LRRC69: variants seen among roughly 807,000 people sequenced by gnomAD.
The protein encoded by LRRC69 is leucine rich repeat containing 69, also known as leucine-rich repeat-containing protein 69.
In LRRC69, 42 loss-of-function variants were observed where a neutral mutation model predicts 37.8. The observed-to-expected ratio is 1.11, with a 90% CI of 0.87 to 1.44. The LOEUF (loss-of-function observed/expected upper bound fraction) is 1.44, where lower values mean the gene tolerates loss of function less well. Ranked by LOEUF, LRRC69 falls within the 40% of genes most tolerant of loss-of-function variation. The pLI is 0.00. For synonymous variants in LRRC69, 141 were observed against 143.1 expected, an observed-to-expected ratio of 0.99 and a Z score of 0.11; for missense variants, 357 against 401.9, an observed-to-expected ratio of 0.89 and a Z score of 0.96.
intron 5 of LRRC69, among the ~76,000 whole-genome samples, chr8:91,185,467 T>G (rs1809393048): frequency 6.6e-6 from 1 of 152,158 alleles, no homozygotes; most frequent in Admixed American, 6.5e-5. Flanking sequence ...GGATCTTCTC[T>G]TGGGAGAAGT....
intron 5 of LRRC69, among the ~76,000 whole-genome samples, chr8:91,147,657 T>C (rs1031001921): frequency 6.6e-6 from 1 of 151,818 alleles, no homozygotes; most frequent in Non-Finnish European, 1.5e-5. Flanking sequence ...TAATGACACA[T>C]TTTAAAAAAT....
chr8:91,195,697 G>T (rs1809585101), intron 6 of LRRC69, among the ~76,000 whole-genome samples: 1 of 152,120 alleles, frequency 6.6e-6, no homozygotes, highest in South Asian at 2.1e-4. Context: ...CATTTGCTTG[G>T]AAGATCTTCC....
intron 6 of LRRC69, among the ~76,000 whole-genome samples, chr8:91,198,977 G>A (rs1809668024): frequency 6.6e-6 from 1 of 152,192 alleles, no homozygotes; most frequent in East Asian, 1.9e-4. Flanking sequence ...TGTAAGAGCT[G>A]TCAGATATAC....
intron 7 of LRRC69, among the ~76,000 whole-genome samples, chr8:91,203,217 G>T (rs562743659): frequency 1.2e-4 from 18 of 152,006 alleles, no homozygotes; most frequent in Non-Finnish European, 2.4e-4. Context: ...GAGTGTGTGT[G>T]TGGGTGGGTG....
intron 5 of LRRC69, among the ~76,000 whole-genome samples, chr8:91,160,116 T>A (rs80223721): frequency 0.019 from 2,933 of 151,284 alleles, 80 homozygotes; most frequent in African/African-American, 0.067. Context: ...TTTGGATAAA[T>A]TTATTTTTAG....
rs180940957 is a variant in LRRC69 at position 91,182,281 on chromosome 8, C to T, written c.652-7241C>T. 4.8e-3 allele frequency among the ~76,000 whole-genome samples: 726 copies of T among 152,102 alleles called. 7 individuals are homozygous for T. Among genetic ancestry groups the T allele is most frequent in the South Asian group, 0.022 (106 of 4,818 alleles). The stretch of plus-strand genomic sequence containing the variant: ...ACAGTTTTGCATACTGCTTACTTTA[C>T]TCAGTATCATATCAGGACAATTTTG... On this transcript the variant is annotated intron_variant, in intron 5 of 7. Transcript: ENST00000448384.
intron 7 of LRRC69, chr8:91,206,813 C>T: frequency 1.6e-6 from 2 of 1,289,014 alleles, no homozygotes; most frequent in Non-Finnish European, 2.0e-6. Context: ...AACCCCATGA[C>T]ACCAGTAAGA....
intron 6 of LRRC69, among the ~76,000 whole-genome samples, chr8:91,195,555 T>C (rs573808596): frequency 3.3e-5 from 5 of 150,194 alleles, no homozygotes; most frequent in South Asian, 2.1e-4. Context: ...ATATTTAGGA[T>C]AGTTAGCTCT....
intron 6 of LRRC69, among the ~76,000 whole-genome samples, chr8:91,191,015 G>C (rs922720498): frequency 6.6e-6 from 1 of 150,512 alleles, no homozygotes; most frequent in Non-Finnish European, 1.5e-5. Context: ...CTCCAGCCTG[G>C]GTGACAGAGC....
rs569966275 is a variant in LRRC69 at position 91,146,744 on chromosome 8, A to T, written c.651+11005A>T. 1.3e-4 allele frequency among the ~76,000 whole-genome samples: 20 copies of T among 151,990 alleles called. No homozygotes were observed. In the South Asian group the frequency reaches 3.5e-3, roughly 27 times the overall value. On this transcript the variant is annotated intron_variant, in intron 5 of 7. Coordinates refer to ENST00000448384, the Ensembl canonical transcript of LRRC69. ...ATTGCTTTGCTCCTCTGAAAAATCA[A>T]AACTAATTTGTCACAATTAATAATA...
chr8:91,112,338 T>C (rs1161114366), intron 1 of LRRC69, among the ~76,000 whole-genome samples: 1 of 151,986 alleles, frequency 6.6e-6, no homozygotes, highest in South Asian at 2.1e-4. Context: ...GTGCTGGACC[T>C]ACCACCAAGG....
intron 6 of LRRC69, among the ~76,000 whole-genome samples, chr8:91,192,596 G>A (rs1409011222): frequency 6.6e-6 from 1 of 152,028 alleles, no homozygotes; most frequent in Non-Finnish European, 1.5e-5. Context: ...CTGATGGCCA[G>A]TGATGATGAG....
intron 1 of LRRC69, among the ~76,000 whole-genome samples, chr8:91,113,133 A>G (rs536492897): frequency 1.2e-4 from 19 of 152,186 alleles, no homozygotes; most frequent in African/African-American, 4.3e-4. Context: ...TAAAATGTCC[A>G]TATTACTGGA....
chr8:91,149,202 T>C (rs1472547741), intron 5 of LRRC69, among the ~76,000 whole-genome samples: 4 of 151,958 alleles, frequency 2.6e-5, no homozygotes, highest in African/African-American at 9.7e-5. Context: ...TCTTCTAGGG[T>C]TTTTATGGTT....
At chr8:91,199,113 C>A (rs1022554352) in intron 6 of LRRC69, among the ~76,000 whole-genome samples, 1 of 152,140 alleles carries the variant, frequency 6.6e-6, no homozygotes, top group Non-Finnish European at 1.5e-5. Context: ...GTAGTGAATC[C>A]TTATCCATGA....
intron 5 of LRRC69, among the ~76,000 whole-genome samples, chr8:91,142,767 G>C (rs1339579915): frequency 2.6e-4 from 39 of 151,946 alleles, no homozygotes; most frequent in Admixed American, 2.6e-3. Flanking sequence ...CAAGACTTTT[G>C]GCTACACTGT....
chr8:91,143,594 A>G (rs984631367), intron 5 of LRRC69, among the ~76,000 whole-genome samples: 10 of 152,050 alleles, frequency 6.6e-5, no homozygotes, highest in Admixed American at 5.3e-4. Flanking sequence ...GAAAAAAAAC[A>G]TAAAGCGGGA....
intron 5 of LRRC69, among the ~76,000 whole-genome samples, chr8:91,151,891 A>C (rs771057669): frequency 6.6e-6 from 1 of 151,452 alleles, no homozygotes; most frequent in Non-Finnish European, 1.5e-5. Flanking sequence ...TTCTCTAATG[A>C]TCAGTGATGT....
intron 1 of LRRC69, among the ~76,000 whole-genome samples, chr8:91,115,491 T>G (rs2130487737): frequency 6.6e-6 from 1 of 152,100 alleles, no homozygotes; most frequent in Non-Finnish European, 1.5e-5. Flanking sequence ...TGGAAAGAAA[T>G]ACTATTTTTT....
Sources: gnomAD v4.1 joint callset for allele counts (sites outside exome capture counted in the v4.1 genomes callset) on GRCh38, gnomAD v4.1.1 for gene constraint, MANE v1.5 for transcripts, NCBI Gene and HGNC (gene_info 2026-07-23, HGNC 2026-07-21) for gene names.